SNX5: variants seen among roughly 807,000 people sequenced by gnomAD.
SNX5 encodes the protein sorting nexin-5.
SNX5 carries 31 observed loss-of-function variants against 53.9 expected under a neutral mutation model. That is an observed-to-expected ratio of 0.58 (90% confidence interval 0.43 to 0.78). The LOEUF (loss-of-function observed/expected upper bound fraction) is 0.78, where lower values mean the gene tolerates loss of function less well. Among genes scored for constraint, SNX5 ranks in the 30% least tolerant of loss-of-function variants. The pLI, the probability that SNX5 is intolerant of heterozygous loss-of-function variation, is 0.00. For synonymous variants in SNX5, 168 were observed against 171.1 expected (o/e 0.98, Z 0.14); for missense variants, 471 against 478.8 (o/e 0.98, Z 0.15).
chr20:17,961,435 GA>G, intron 1 of SNX5: 1 of 985,370 alleles, frequency 1.0e-6, no homozygotes, highest in Non-Finnish European at 1.2e-6. Flanking sequence ...GTGCCAAAAT[GA>G]AAAAGACACA....
At chr20:17,949,839 T>C (rs1428483977) in intron 8 of SNX5, among the ~76,000 whole-genome samples, 1 of 152,196 alleles carries the variant, frequency 6.6e-6, no homozygotes, top group Non-Finnish European at 1.5e-5. Flanking sequence ...AGATGCAAGA[T>C]AAACTCTTAC....
intron 10 of SNX5, among the ~76,000 whole-genome samples, chr20:17,947,948 G>C (rs571592436): frequency 6.6e-6 from 1 of 152,184 alleles, no homozygotes; most frequent in South Asian, 2.1e-4. Context: ...TTGTGTATCA[G>C]AGATAACTTG....
Position 17,953,775 on chromosome 20 carries a change from G to C in SNX5, c.389+221C>G, listed in dbSNP as rs1232454621. Among the ~76,000 whole-genome samples the C allele has an allele frequency of 2.0e-5, 3 of 152,242 alleles. No individual in the cohort carries two copies. In the East Asian group the frequency reaches 5.8e-4, roughly 29 times the overall value. On this transcript the variant is annotated intron_variant, in intron 4 of 12. Transcript: ENST00000377759. ...ATGGGAAAAGACAACTACTCTATCG[G>C]GTATTAGTGTCAATGGCCTCCAATG...
At chr20:17,965,473 A>G (rs34070246) in intron 1 of SNX5, among the ~76,000 whole-genome samples, 261 of 152,300 alleles carry the variant, frequency 1.7e-3, no homozygotes, top group Non-Finnish European at 3.0e-3. Flanking sequence ...TAATCCCGGC[A>G]TGTTGAACTG....
intron 1 of SNX5, 97 bp downstream of exon 1, chr20:17,968,278 A>G (rs1392048105): frequency 1.9e-6 from 2 of 1,047,434 alleles, no homozygotes; most frequent in Non-Finnish European, 1.2e-6. Context: ...GATGGCGGCG[A>G]GCAGCCACGG....
intron 1 of SNX5, chr20:17,967,998 C>A: frequency 2.5e-6 from 1 of 398,090 alleles, no homozygotes. Flanking sequence ...GGCAACAAAC[C>A]AAACTGGTCT....
Position 17,949,183 on chromosome 20 carries a change from T to C in SNX5, c.792-80A>G, listed in dbSNP as rs556844203. The C allele has an allele frequency of 9.9e-6, 12 of 1,207,336 alleles. No homozygotes were observed. The African/African-American group carries it at 1.2e-4, about 12-fold the overall frequency. The allele number at this position is 1,207,336 out of a possible 1,614,324, so 74.8% of individuals were successfully genotyped here. ...ATCTTACCAGTGTGCAAGACAGGAA[T>C]GGGTCAACTCAGGAGTCCTAGCCTT... On this transcript the variant is annotated intron_variant, in intron 8 of 12. Coordinates refer to ENST00000377759, the MANE Select transcript of SNX5 (RefSeq NM_014426.4).
At chr20:17,962,884 G>A (rs773669796) in intron 1 of SNX5, 10 of 517,782 alleles carry the variant, frequency 1.9e-5, no homozygotes, top group Non-Finnish European at 3.1e-5. Context: ...AACAGGAACT[G>A]AGGCTTGGAA....
At chr20:17,963,884 G>A (rs1031797556) in intron 1 of SNX5, among the ~76,000 whole-genome samples, 3 of 143,692 alleles carry the variant, frequency 2.1e-5, no homozygotes, top group South Asian at 2.4e-4. Context: ...CAGGCTGCCC[G>A]CTTTTTGGTT....
At chr20:17,943,610 T>C (rs965435806) in intron 11 of SNX5, 1 of 164,618 alleles carries the variant, frequency 6.1e-6, no homozygotes, top group Admixed American at 6.2e-5. Context: ...CAAACAACGT[T>C]CAGCAGCACT....
intron 1 of SNX5, among the ~76,000 whole-genome samples, chr20:17,960,788 A>T (rs2035434579): frequency 6.6e-6 from 1 of 151,394 alleles, no homozygotes; most frequent in Admixed American, 6.6e-5. Context: ...AAAAAAAAAA[A>T]CTACACATAA....
At chr20:17,947,388 G>A (rs997448222) in intron 11 of SNX5, 98 bp downstream of exon 11, 8 of 1,315,380 alleles carry the variant, frequency 6.1e-6, no homozygotes, top group Middle Eastern at 1.9e-4. Flanking sequence ...GACACTGGGT[G>A]AAGGATACAT....
chr20:17,965,775 C>G (rs1277635221), intron 1 of SNX5, among the ~76,000 whole-genome samples: 1 of 151,580 alleles, frequency 6.6e-6, no homozygotes, highest in Non-Finnish European at 1.5e-5. Flanking sequence ...TCTTAAGACA[C>G]CGAGTACAAG....
At position 17,957,078 on chromosome 20, in the gene SNX5, G is replaced by T. The variant is rs1303762264; in HGVS notation, c.52-41C>A. On this transcript the variant is annotated intron_variant, in intron 1 of 12. Coordinates refer to ENST00000377759, the MANE Select transcript of SNX5 (RefSeq NM_014426.4). The stretch of plus-strand genomic sequence containing the variant: ...TGCGTATTAGTTTCAAACTCATTTG[G>T]CCCTAAAAAATTATTCCAAAAATGA... 5 of 1,183,674 alleles carry T rather than the reference G, an allele frequency of 4.2e-6. No individual in the cohort carries two copies. The South Asian group carries it at 6.1e-5, about 14-fold the overall frequency. 73.3% of individuals were successfully genotyped at this position (1,183,674 alleles called of 1,614,324 possible). A position where few individuals can be genotyped will look rare whatever the true frequency, so the allele number is the denominator to read the frequency against.
intron 1 of SNX5, among the ~76,000 whole-genome samples, chr20:17,960,318 A>G (rs1468428002): frequency 6.6e-6 from 1 of 151,530 alleles, no homozygotes; most frequent in Admixed American, 6.6e-5. Context: ...AAAAGTGGCC[A>G]GGCACGGTGG....
At position 17,948,967 on chromosome 20, in the gene SNX5, C is replaced by G. The variant is rs201856245; in HGVS notation, c.841G>C (p.Gly281Arg). Residue 281 changes from glycine (G) to arginine (R), a missense_variant, in exon 10 of 13, where the codon GGT becomes CGT. Transcript: ENST00000377759. The part of the protein sequence containing the change: ...ELFEKLRKVE[G>R]RVSSDEDLKL... ...AAATCTTCATCTGATGAAACTCGACCCTCTACTTTCTATATAGAAAAGGAA... is the reference window on the plus strand; with the variant it reads ...AAATCTTCATCTGATGAAACTCGACGCTCTACTTTCTATATAGAAAAGGAA... 4.8e-5 allele frequency: 77 copies of G among 1,612,478 alleles called. No homozygotes were observed. Among genetic ancestry groups the G allele is most frequent in the Non-Finnish European group, 8.5e-7 (1 of 1,179,750 alleles).
At chr20:17,961,166 A>AC (rs764278264) in intron 1 of SNX5, 12 of 985,450 alleles carry the variant, frequency 1.2e-5, no homozygotes, top group Non-Finnish European at 1.4e-5. Flanking sequence ...CAGCTGGGGC[A>AC]CATCAGACAC....
intron 3 of SNX5, 37 bp from the exon 4 acceptor site, chr20:17,954,154 C>T: frequency 6.2e-7 from 1 of 1,609,110 alleles, no homozygotes; most frequent in Non-Finnish European, 8.5e-7. Flanking sequence ...CCTCTTGTCC[C>T]AGCAGCGATG....
chr20:17,962,061 TC>T (rs1308465855), intron 1 of SNX5: 2 of 844,458 alleles, frequency 2.4e-6, no homozygotes, highest in Non-Finnish European at 2.9e-6. Context: ...CCATTGGTGC[TC>T]CGAATTGTTA....
Sources: gnomAD v4.1 joint callset for allele counts (sites outside exome capture counted in the v4.1 genomes callset) on GRCh38, gnomAD v4.1.1 for gene constraint, MANE v1.5 for transcripts, NCBI Gene and HGNC (gene_info 2026-07-23, HGNC 2026-07-21) for gene names.